The following RFX3 variants were observed in gnomAD, a reference collection of about 807,000 sequenced individuals.
The protein encoded by RFX3 is regulatory factor X3.
In RFX3, 14 loss-of-function variants were observed where a neutral mutation model predicts 98.6. The observed-to-expected ratio is 0.14, with a 90% confidence interval of 0.09 to 0.22. The LOEUF is 0.22. Ranked by LOEUF, RFX3 falls within the 10% of genes least tolerant of loss-of-function variation. The pLI is 1.00. For synonymous variants in RFX3, 383 were observed against 328.4 expected (o/e 1.17, Z -1.80); for missense variants, 639 against 926.9 (o/e 0.69, Z 4.03).
intron 1 of RFX3, among the ~76,000 whole-genome samples, chr9:3,517,132 T>C (rs1342041659): frequency 1.3e-5 from 2 of 152,250 alleles, no homozygotes; most frequent in African/African-American, 2.4e-5. Flanking sequence ...CTCCATGTTA[T>C]TGGCATGTTT....
intron 15 of RFX3, among the ~76,000 whole-genome samples, chr9:3,232,989 T>C (rs893887913): frequency 1.3e-5 from 2 of 152,112 alleles, no homozygotes; most frequent in African/African-American, 4.8e-5. Context: ...GAGAGATAAA[T>C]AGGAAACGTT....
intron 1 of RFX3, among the ~76,000 whole-genome samples, chr9:3,433,382 G>C (rs1033800558): frequency 3.9e-5 from 6 of 152,130 alleles, no homozygotes. Context: ...TGAATGAATA[G>C]TAAATATATT....
At chr9:3,327,039 T>A (rs149532141) in intron 4 of RFX3, among the ~76,000 whole-genome samples, 15 of 152,264 alleles carry the variant, frequency 9.9e-5, no homozygotes, top group African/African-American at 3.4e-4. Flanking sequence ...ACTGAACTTA[T>A]ATGGTACAGA....
intron 2 of RFX3, among the ~76,000 whole-genome samples, chr9:3,365,015 T>C (rs1288255635): frequency 6.6e-6 from 1 of 151,906 alleles, no homozygotes; most frequent in Non-Finnish European, 1.5e-5. Flanking sequence ...GTAAAAAAAG[T>C]AACAGGCCGG....
chr9:3,403,116 A>G (rs1841634138), intron 1 of RFX3, among the ~76,000 whole-genome samples: 1 of 152,108 alleles, frequency 6.6e-6, no homozygotes, highest in African/African-American at 2.4e-5. Flanking sequence ...GACAAAAAAT[A>G]TATTGAGCTG....
chr9:3,451,235 G>A (rs547054765), intron 1 of RFX3, among the ~76,000 whole-genome samples: 1 of 152,270 alleles, frequency 6.6e-6, no homozygotes, highest in Admixed American at 6.5e-5. Flanking sequence ...TATAATCCAT[G>A]AGCCATATTT....
chr9:3,398,353 C>A (rs894177139), intron 1 of RFX3, among the ~76,000 whole-genome samples: 12 of 151,794 alleles, frequency 7.9e-5, no homozygotes, highest in African/African-American at 2.7e-4. Context: ...AAAAAAAAAT[C>A]CCTAAAAAAG....
At chr9:3,225,734 T>C (rs1817689657) in intron 16 of RFX3, among the ~76,000 whole-genome samples, 1 of 152,192 alleles carries the variant, frequency 6.6e-6, no homozygotes, top group African/African-American at 2.4e-5. Context: ...CTAGCGTTAA[T>C]GTATAAGACC....
At chr9:3,263,747 T>C (rs1823226462) in intron 12 of RFX3, among the ~76,000 whole-genome samples, 1 of 152,216 alleles carries the variant, frequency 6.6e-6, no homozygotes, top group Non-Finnish European at 1.5e-5. Flanking sequence ...CATCTTGTTC[T>C]GTGCCCAGGA....
chr9:3,344,737 T>A (rs1405370068), intron 3 of RFX3: 1 of 644,356 alleles, frequency 1.6e-6, no homozygotes, highest in Non-Finnish European at 2.8e-6. Flanking sequence ...CTGGGTGACC[T>A]CTAGCAGTGT....
At chr9:3,525,527 C>A (rs1033786773) in intron 1 of RFX3, among the ~76,000 whole-genome samples, 1 of 151,780 alleles carries the variant, frequency 6.6e-6, no homozygotes, top group African/African-American at 2.4e-5. Context: ...GCGCGGCGCC[C>A]ACACCCCCGA....
chr9:3,512,626 A>T (rs776888007), intron 1 of RFX3, among the ~76,000 whole-genome samples: 44 of 151,988 alleles, frequency 2.9e-4, no homozygotes, highest in Non-Finnish European at 5.6e-4. Context: ...AGAAATAGTC[A>T]AACCTCATAC....
At chr9:3,271,228 T>C in intron 9 of RFX3, 110 bp from the exon 10 acceptor site, 3 of 797,616 alleles carry the variant, frequency 3.8e-6, no homozygotes, top group East Asian at 2.6e-5. Flanking sequence ...CTTGGGGTCA[T>C]AAGTTAACAT....
chr9:3,247,863 A>G lies in RFX3; in HGVS notation c.1968+169T>C, dbSNP rs114431261. On this transcript the variant is annotated intron_variant, in intron 15 of 16. Transcript: ENST00000617270. ...TTAGAATCTTTTGATTAAGCACATA[A>G]GAACAGAGGAATTTAAGGAACTCTT... The G allele has an allele frequency of 1.1e-5, 17 of 1,608,620 alleles. No individual in the cohort carries two copies. The African/African-American group carries it at 2.0e-4, about 19-fold the overall frequency.
chr9:3,395,391 A>T (rs1436570691), intron 2 of RFX3, 81 bp downstream of exon 2: 5 of 1,513,314 alleles, frequency 3.3e-6, no homozygotes, highest in Middle Eastern at 1.7e-4. Context: ...GTAAAGTTCA[A>T]ATAATTTTTG....
intron 13 of RFX3, among the ~76,000 whole-genome samples, chr9:3,262,447 C>T (rs1294513470): frequency 6.6e-6 from 1 of 152,074 alleles, no homozygotes; most frequent in East Asian, 1.9e-4. Flanking sequence ...ATAGTAAACT[C>T]TGAAATAGAA....
chr9:3,380,917 C>G (rs1839123153), intron 2 of RFX3, among the ~76,000 whole-genome samples: 1 of 152,248 alleles, frequency 6.6e-6, no homozygotes, highest in East Asian at 1.9e-4. Flanking sequence ...ACACTAGCTT[C>G]TCTAGATCAC....
intron 1 of RFX3, among the ~76,000 whole-genome samples, chr9:3,396,471 T>C (rs1840890026): frequency 6.6e-6 from 1 of 152,344 alleles, no homozygotes; most frequent in Non-Finnish European, 1.5e-5. Context: ...TCCGAGTCTT[T>C]GCTGTTGTGA....
At chr9:3,423,560 T>C (rs1449154784) in intron 1 of RFX3, among the ~76,000 whole-genome samples, 1 of 151,930 alleles carries the variant, frequency 6.6e-6, no homozygotes, top group African/African-American at 2.4e-5. Flanking sequence ...AATCCATTTA[T>C]GTGAAATTCT....
Sources: allele counts gnomAD v4.1 joint callset (sites outside exome capture counted in the v4.1 genomes callset), GRCh38; gene constraint gnomAD v4.1.1; transcripts MANE v1.5; gene names NCBI Gene and HGNC (gene_info 2026-07-23, HGNC 2026-07-21).